Variants in HS6ST3 observed in about 807,000 individuals in gnomAD.
HS6ST3 encodes heparan sulfate 6-O-sulfotransferase 3.
A neutral mutation model predicts 36.7 loss-of-function variants in HS6ST3; 12 were observed. That is an observed-to-expected ratio of 0.33 (90% CI 0.21 to 0.53). The LOEUF (loss-of-function observed/expected upper bound fraction) is 0.53, where lower values mean the gene tolerates loss of function less well. Among genes scored for constraint, HS6ST3 ranks in the 20% least tolerant of loss-of-function variants. HS6ST3 has a pLI of 0.95. For synonymous variants in HS6ST3, 240 were observed against 257.5 expected, an observed-to-expected ratio of 0.93 and a Z score of 0.65; for missense variants, 584 against 640.9, an observed-to-expected ratio of 0.91 and a Z score of 0.96.
At chr13:96,428,132 G>A (rs1214003789) in intron 1 of HS6ST3, among the ~76,000 whole-genome samples, 1 of 152,132 alleles carries the variant, frequency 6.6e-6, no homozygotes. Flanking sequence ...CAGATCACCA[G>A]TTCAGGAGAT....
intron 1 of HS6ST3, among the ~76,000 whole-genome samples, chr13:96,762,402 C>T (rs1876992286): frequency 6.7e-6 from 1 of 149,344 alleles, no homozygotes. Context: ...ATTGCTGGAA[C>T]CCAGGAGATG....
In HS6ST3 at chr13:96,284,344, C is replaced by G. The variant is rs557435029; in HGVS notation, c.707+192775C>G. 3.3e-5 allele frequency among the ~76,000 whole-genome samples: 5 copies of G among 152,270 alleles called. No homozygotes were observed. In the East Asian group the frequency reaches 9.7e-4, roughly 29 times the overall value. ...AAGAAGCCAGTCCAAGTCCCAAAAC[C>G]TCAAAAGTAGGGAAGCCGACAATGC... On this transcript the variant is annotated intron_variant, in intron 1 of 1. Coordinates refer to ENST00000376705, the MANE Select transcript of HS6ST3 (RefSeq NM_153456.4).
At chr13:96,411,278 G>A (rs1017814604) in intron 1 of HS6ST3, among the ~76,000 whole-genome samples, 1 of 152,122 alleles carries the variant, frequency 6.6e-6, no homozygotes, top group Non-Finnish European at 1.5e-5. Context: ...CTTCTCCAGG[G>A]CCCACACTGG....
intron 1 of HS6ST3, among the ~76,000 whole-genome samples, chr13:96,793,792 A>T (rs1022767267): frequency 6.6e-6 from 1 of 152,034 alleles, no homozygotes; most frequent in Admixed American, 6.6e-5. Flanking sequence ...TGGGATCTTT[A>T]GAGTCTGCTA....
At chr13:96,274,988 C>T (rs1372539285) in intron 1 of HS6ST3, among the ~76,000 whole-genome samples, 3 of 151,858 alleles carry the variant, frequency 2.0e-5, no homozygotes, top group Non-Finnish European at 4.4e-5. Context: ...GGTTTATTTC[C>T]TAGTGCCTCC....
At chr13:96,420,643 C>A (rs891406911) in intron 1 of HS6ST3, among the ~76,000 whole-genome samples, 2 of 152,072 alleles carry the variant, frequency 1.3e-5, no homozygotes, top group Non-Finnish European at 1.5e-5. Flanking sequence ...ATCATAGTGA[C>A]CATGTTTGTC....
chr13:96,119,161 A>G (rs1442534937), intron 1 of HS6ST3, among the ~76,000 whole-genome samples: 1 of 152,178 alleles, frequency 6.6e-6, no homozygotes. Flanking sequence ...GTTTAGCACA[A>G]TTACAGCATA....
rs1361596245 is a variant in HS6ST3, at chr13:96,593,176, T to TC, written c.708-239314_708-239313insC. Among the ~76,000 whole-genome samples the TC allele has an allele frequency of 9.2e-3, 726 of 79,056 alleles. 7 individuals carry two copies. Among genetic ancestry groups the TC allele is most frequent in the Non-Finnish European group, 0.015 (620 of 40,082 alleles). 51.9% of individuals were successfully genotyped at this position (79,056 alleles called of 152,430 possible). A position where few individuals can be genotyped will look rare whatever the true frequency, so the allele number is the denominator to read the frequency against. ...CTGACTGTGTATTTTCTTTCTTTCT[T>TC]TTTTTTTTTTTTTTTTTTTTTTTTT... On this transcript the variant is annotated intron_variant, in intron 1 of 1. Transcript: ENST00000376705.
rs117415431 is a variant in HS6ST3 at position 96,585,699 on chromosome 13, C to T, written c.708-246791C>T. On this transcript the variant is annotated intron_variant, in intron 1 of 1. Transcript: ENST00000376705. ...TTTTGGTTCCACATGTAAGTGAGAT[C>T]GTGCAGTATTTGTATTTCTGTGCTT... 8.6e-3 allele frequency among the ~76,000 whole-genome samples: 1,317 copies of T among 152,258 alleles called. 8 individuals carry two copies. Among genetic ancestry groups the T allele is most frequent in the Non-Finnish European group, 0.014 (982 of 68,016 alleles).
intron 1 of HS6ST3, among the ~76,000 whole-genome samples, chr13:96,683,219 C>T (rs1002892076): frequency 6.6e-6 from 1 of 152,044 alleles, no homozygotes; most frequent in Non-Finnish European, 1.5e-5. Context: ...TATATAACTG[C>T]TCCCATTAAA....
intron 1 of HS6ST3, among the ~76,000 whole-genome samples, chr13:96,450,994 C>A (rs2055725106): frequency 6.6e-6 from 1 of 152,094 alleles, no homozygotes; most frequent in Non-Finnish European, 1.5e-5. Context: ...ACCAATATTA[C>A]AGAAGCAGAT....
At position 96,115,149 on chromosome 13, in the gene HS6ST3, A is replaced by G. The variant is rs556330112; in HGVS notation, c.707+23580A>G. ...AAGGGGTCAGGGACTTTTTCTTGGC[A>G]CAGACATGGAACCCTGTTGATAATG... On this transcript the variant is annotated intron_variant, in intron 1 of 1. Coordinates refer to ENST00000376705, the MANE Select transcript of HS6ST3 (RefSeq NM_153456.4). Among the ~76,000 whole-genome samples, 4 of 152,310 alleles carry G rather than the reference A, an allele frequency of 2.6e-5. No homozygotes were observed. The South Asian group carries it at 8.3e-4, about 32-fold the overall frequency.
At chr13:96,337,167 G>A (rs1326853872) in intron 1 of HS6ST3, among the ~76,000 whole-genome samples, 2 of 152,054 alleles carry the variant, frequency 1.3e-5, no homozygotes, top group African/African-American at 2.4e-5. Flanking sequence ...CCGGGTTCAC[G>A]CCATTCTCCT....
chr13:96,725,616 A>T (rs1875983613), intron 1 of HS6ST3, among the ~76,000 whole-genome samples: 1 of 151,992 alleles, frequency 6.6e-6, no homozygotes, highest in African/African-American at 2.4e-5. Context: ...TTGCATAGGG[A>T]TATCCAATTG....
intron 1 of HS6ST3, among the ~76,000 whole-genome samples, chr13:96,439,040 C>T (rs1203880343): frequency 6.6e-6 from 1 of 151,530 alleles, no homozygotes; most frequent in African/African-American, 2.4e-5. Flanking sequence ...GCACTCCAGC[C>T]TGGGCGATAG....
At chr13:96,163,222 A>ATTTTTTTT (rs147731415) in intron 1 of HS6ST3, among the ~76,000 whole-genome samples, 3 of 79,074 alleles carry the variant, frequency 3.8e-5, no homozygotes, top group Non-Finnish European at 6.7e-5. Flanking sequence ...TCTGAGATAC[A>ATTTTTTTT]TTTTTTTTTT....
At chr13:96,680,604 C>T (rs533781) in intron 1 of HS6ST3, among the ~76,000 whole-genome samples, 149,764 of 152,234 alleles carry the variant, frequency 0.98, 73,712 homozygotes, top group East Asian at 1. Context: ...AGGGAAGTTT[C>T]GAAACCATCA....
At chr13:96,765,595 T>G (rs1877091119) in intron 1 of HS6ST3, among the ~76,000 whole-genome samples, 1 of 58,964 alleles carries the variant, frequency 1.7e-5, no homozygotes, top group Admixed American at 1.5e-4. Context: ...TCTTTCTCTC[T>G]CTCTCTCTCT....
intron 1 of HS6ST3, among the ~76,000 whole-genome samples, chr13:96,643,366 C>G (rs916929471): frequency 2.0e-5 from 3 of 151,932 alleles, no homozygotes; most frequent in Admixed American, 1.3e-4. Context: ...AGCATACACA[C>G]AGCCTTAGCT....
Sources: allele counts gnomAD v4.1 joint callset (sites outside exome capture counted in the v4.1 genomes callset), GRCh38; gene constraint gnomAD v4.1.1; transcripts MANE v1.5; gene names NCBI Gene and HGNC (gene_info 2026-07-23, HGNC 2026-07-21).